Variants in PCNX1 observed in about 807,000 individuals in gnomAD.
The protein encoded by PCNX1 is pecanex 1, also known as pecanex-like protein 1.
PCNX1 carries 78 observed loss-of-function variants against 242.2 expected under a neutral mutation model. The observed-to-expected ratio is 0.32, with a 90% CI of 0.27 to 0.39. PCNX1 has a LOEUF of 0.39. Among genes scored for constraint, PCNX1 ranks in the 10% least tolerant of loss-of-function variants. The probability of loss-of-function intolerance (pLI) is 1.00; values close to 1 mark genes in which losing one functional copy is unlikely to be tolerated. For missense variants in PCNX1, 2,581 were observed against 2,856.5 expected, an observed-to-expected ratio of 0.90 and a Z score of 2.20; for synonymous variants, 1,024 against 1,032.9, an observed-to-expected ratio of 0.99 and a Z score of 0.17.
At chr14:71,017,199 G>A (rs2059982885) in intron 11 of PCNX1, among the ~76,000 whole-genome samples, 1 of 152,190 alleles carries the variant, frequency 6.6e-6, no homozygotes, top group African/African-American at 2.4e-5. Flanking sequence ...GACCTTAATT[G>A]TCTTACATCT....
intron 8 of PCNX1, among the ~76,000 whole-genome samples, chr14:70,997,611 G>A (rs980581845): frequency 1.3e-5 from 2 of 152,068 alleles, no homozygotes. Flanking sequence ...TTGTAATTTG[G>A]ATTTTATCTT....
At position 71,104,774 on chromosome 14, in the gene PCNX1, A is replaced by G. The variant is rs183351635; in HGVS notation, c.6096-461A>G. Among the ~76,000 whole-genome samples the G allele has an allele frequency of 9.8e-4, 150 of 152,318 alleles. 1 individual carries two copies. The highest frequency in any genetic ancestry group is 1.7e-3 in the Non-Finnish European group (113 of 68,024). On this transcript the variant is annotated intron_variant, in intron 32 of 35. Coordinates refer to ENST00000304743, the MANE Select transcript of PCNX1 (RefSeq NM_014982.3). ...GAAACCCCATCTCTACTAAAAATAC[A>G]AAATTAGCTGGACATGGTAGTGGGC...
chr14:71,090,432 A>G lies in PCNX1; in HGVS notation c.5589+1090A>G, dbSNP rs17108983. ...AAGGTGACTTACTCTTCAAGTCATT[A>G]TAGTATAATCTAAAGTGTGGGAATT... On this transcript the variant is annotated intron_variant, in intron 30 of 35. Coordinates refer to ENST00000304743, the MANE Select transcript of PCNX1 (RefSeq NM_014982.3). Among the ~76,000 whole-genome samples, 1,313 of 152,320 alleles carry G rather than the reference A, an allele frequency of 8.6e-3. 25 individuals are homozygous for G. The highest frequency in any genetic ancestry group is 0.03 in the African/African-American group (1,238 of 41,556).
At chr14:71,074,667 G>C (rs999451318) in intron 27 of PCNX1, among the ~76,000 whole-genome samples, 1 of 152,082 alleles carries the variant, frequency 6.6e-6, no homozygotes, top group Non-Finnish European at 1.5e-5. Flanking sequence ...CATGGCCAGC[G>C]TAAGTCTCCA....
intron 33 of PCNX1, 67 bp downstream of exon 33, chr14:71,105,507 G>T: frequency 8.4e-7 from 1 of 1,184,018 alleles, no homozygotes; most frequent in Admixed American, 2.0e-5. Context: ...TAGTATATGT[G>T]TATAAAGAGG....
chr14:70,988,699 GGT>G lies in PCNX1; in HGVS notation c.2444+1_2444+2del. On this transcript the variant is annotated splice_donor_variant, in intron 7 of 35. Transcript: ENST00000304743. LOFTEE classifies it high-confidence loss of function. ...ACATTGCTCATCGGATCACCCCTAA[GGT>G]ATGGTATTTTCAATTCCACCAAGTT... 7 of 1,611,172 alleles carry G rather than the reference GGT, an allele frequency of 4.3e-6. No homozygotes were observed. The highest frequency in any genetic ancestry group is 5.9e-6 in the Non-Finnish European group (7 of 1,177,668).
chr14:70,929,238 GT>G (rs1337206547), intron 1 of PCNX1, among the ~76,000 whole-genome samples: 60 of 148,394 alleles, frequency 4.0e-4, no homozygotes, highest in East Asian at 1.6e-3. Flanking sequence ...TACATTCAGT[GT>G]TTTTTTTTTT....
chr14:70,983,343 T>G (rs1441039258), intron 6 of PCNX1, among the ~76,000 whole-genome samples: 1 of 152,130 alleles, frequency 6.6e-6, no homozygotes. Context: ...CTCACTCTAT[T>G]GTCCAGGCTG....
intron 1 of PCNX1, among the ~76,000 whole-genome samples, chr14:70,945,904 GT>G (rs1403674722): frequency 2.0e-5 from 3 of 152,210 alleles, no homozygotes; most frequent in Non-Finnish European, 2.9e-5. Flanking sequence ...GTGAAAACAT[GT>G]GGGATCTAGA....
At chr14:70,995,652 T>A in intron 7 of PCNX1, 89 bp from the exon 8 acceptor site, 1 of 1,229,038 alleles carries the variant, frequency 8.1e-7, no homozygotes, top group Non-Finnish European at 1.1e-6. Context: ...AGTGCCTTTT[T>A]GAAATCAGTT....
intron 34 of PCNX1, 39 bp downstream of exon 34, chr14:71,109,085 ACTTATTTGTTTTTATTT>A (rs754723127): frequency 2.0e-6 from 3 of 1,492,300 alleles, no homozygotes; most frequent in African/African-American, 2.8e-5. Context: ...TGTTTTTGTT[ACTTATTTGTTTTTATTT>A]CTTATTTGTT....
intron 20 of PCNX1, 93 bp from the exon 21 acceptor site, chr14:71,046,871 G>A (rs1285341626): frequency 3.5e-6 from 3 of 859,180 alleles, no homozygotes; most frequent in African/African-American, 1.7e-5. Flanking sequence ...TTTGTAGTTT[G>A]GTACTAAATT....
intron 2 of PCNX1, among the ~76,000 whole-genome samples, chr14:70,947,951 AG>A (rs2057524921): frequency 6.6e-6 from 1 of 152,178 alleles, no homozygotes. Flanking sequence ...AGTTGTGGAT[AG>A]GGGATGAAAT....
chr14:71,098,248 G>A (rs1040894628), intron 30 of PCNX1, among the ~76,000 whole-genome samples: 2 of 152,046 alleles, frequency 1.3e-5, no homozygotes, highest in South Asian at 2.1e-4. Flanking sequence ...ACTTATAATT[G>A]TTTTGGCTGT....
intron 1 of PCNX1, among the ~76,000 whole-genome samples, chr14:70,929,668 A>C (rs780340904): frequency 6.6e-6 from 1 of 152,342 alleles, no homozygotes. Flanking sequence ...ATTAAGTACA[A>C]ATGGACATTT....
At chr14:71,108,443 C>T (rs1051452385) in intron 33 of PCNX1, among the ~76,000 whole-genome samples, 161 bp from the exon 34 acceptor site, 2 of 152,110 alleles carry the variant, frequency 1.3e-5, no homozygotes, top group Non-Finnish European at 2.9e-5. Context: ...ATCTCAGATA[C>T]GTATTTCTTT....
At chr14:71,024,255 A>T (rs1009739667) in intron 13 of PCNX1, among the ~76,000 whole-genome samples, 1 of 152,186 alleles carries the variant, frequency 6.6e-6, no homozygotes, top group Non-Finnish European at 1.5e-5. Flanking sequence ...CAAGATAATT[A>T]TCAAAATTAG....
chr14:70,955,399 T>C (rs1348457029), intron 2 of PCNX1, among the ~76,000 whole-genome samples: 1 of 152,202 alleles, frequency 6.6e-6, no homozygotes, highest in African/African-American at 2.4e-5. Context: ...ATCATTTTAC[T>C]CCAGATTTAC....
intron 11 of PCNX1, 27 bp from the exon 12 acceptor site, chr14:71,018,982 C>T: frequency 1.3e-6 from 2 of 1,583,082 alleles, no homozygotes; most frequent in Non-Finnish European, 1.7e-6. Flanking sequence ...TTAAGATATA[C>T]TTACCCATAA....
Sources: gnomAD v4.1 joint callset for allele counts (sites outside exome capture counted in the v4.1 genomes callset) on GRCh38, gnomAD v4.1.1 for gene constraint, MANE v1.5 for transcripts, NCBI Gene and HGNC (gene_info 2026-07-23, HGNC 2026-07-21) for gene names.